CC2D2A: variants seen among roughly 807,000 people sequenced by gnomAD.
CC2D2A encodes coiled-coil and C2 domain containing 2A.
CC2D2A carries 155 observed loss-of-function variants against 212.9 expected under a neutral mutation model. The ratio of observed to expected loss-of-function variants is 0.73; its 90% CI spans 0.64 to 0.83. The LOEUF (loss-of-function observed/expected upper bound fraction) is 0.83. Ranked by LOEUF, CC2D2A falls within the 40% of genes least tolerant of loss-of-function variation. CC2D2A has a pLI of 0.00. For missense variants in CC2D2A, 1,856 were observed against 1,956.2 expected, an observed-to-expected ratio of 0.95 and a Z score of 0.97; for synonymous variants, 667 against 686.5, an observed-to-expected ratio of 0.97 and a Z score of 0.44.
At chr4:15,507,927 T>G (rs1716353843) in intron 6 of CC2D2A, among the ~76,000 whole-genome samples, 1 of 152,200 alleles carries the variant, frequency 6.6e-6, no homozygotes, top group South Asian at 2.1e-4. Context: ...TTTTCTTCTT[T>G]GGCAGGTTTG....
chr4:15,507,090 A>G (rs1577333324), intron 6 of CC2D2A, among the ~76,000 whole-genome samples: 4 of 151,968 alleles, frequency 2.6e-5, no homozygotes, highest in Admixed American at 2.6e-4. Flanking sequence ...AAAAAAAAAA[A>G]GAAAAAAAAA....
At chr4:15,591,159 T>C (rs1329943983) in intron 33 of CC2D2A, among the ~76,000 whole-genome samples, 1 of 152,108 alleles carries the variant, frequency 6.6e-6, no homozygotes, top group Non-Finnish European at 1.5e-5. Flanking sequence ...AAACATGAAA[T>C]CTATTTTTTT....
At chr4:15,575,266 A>C (rs1720351902) in intron 29 of CC2D2A, among the ~76,000 whole-genome samples, 1 of 152,214 alleles carries the variant, frequency 6.6e-6, no homozygotes, top group Admixed American at 6.5e-5. Flanking sequence ...GTCTTGGACA[A>C]GGGGTCTCCA....
At chr4:15,557,859 A>G (rs911422354) in intron 21 of CC2D2A, among the ~76,000 whole-genome samples, 1 of 152,230 alleles carries the variant, frequency 6.6e-6, no homozygotes, top group African/African-American at 2.4e-5. Context: ...TTAGTCAGGA[A>G]TTCAATTCCA....
Position 15,550,851 on chromosome 4 carries a change from C to A in CC2D2A, c.2209C>A (p.Pro737Thr), listed in dbSNP as rs1560177991. The change falls in exon 18 of 37, where the codon CCC (proline) becomes ACC (threonine). Residue 737 changes from proline (P) to threonine (T), a missense_variant. Coordinates refer to ENST00000424120, the MANE Select transcript of CC2D2A (RefSeq NM_001378615.1). ...CTATGAAACTGTCGGACACAGTAGT[C>A]CCACCTTGCTAGCAGAAGTGTTTCT... ...QVYETVGHSS[P>T]TLLAEVFLPI... 5 of 1,590,058 alleles carry A rather than the reference C, an allele frequency of 3.1e-6. No homozygotes were observed. The highest frequency in any genetic ancestry group is 4.3e-6 in the Non-Finnish European group (5 of 1,161,322).
rs1299745183 is a variant in CC2D2A, at chr4:15,502,195, TCA to T, written c.248-233_248-232del. On this transcript the variant is annotated intron_variant, in intron 4 of 36. Coordinates refer to ENST00000424120, the MANE Select transcript of CC2D2A (RefSeq NM_001378615.1). ...CTAGGCAGGACTGAGGTTTTGTCTC[TCA>T]GTTTCAGAAAAGCCAAGACATGTAC... 2.0e-5 allele frequency among the ~76,000 whole-genome samples: 3 copies of T among 152,202 alleles called. No homozygotes were observed. In the East Asian group the frequency reaches 5.8e-4, roughly 29 times the overall value.
intron 14 of CC2D2A, among the ~76,000 whole-genome samples, chr4:15,535,042 CTG>C (rs1398414751): frequency 6.6e-6 from 1 of 151,948 alleles, no homozygotes; most frequent in Non-Finnish European, 1.5e-5. Context: ...AAGTGTAAGA[CTG>C]TGTGATCTTT....
intron 13 of CC2D2A, among the ~76,000 whole-genome samples, chr4:15,532,286 C>A (rs1237791433): frequency 6.6e-6 from 1 of 152,194 alleles, no homozygotes; most frequent in Non-Finnish European, 1.5e-5. Flanking sequence ...TTTTCTACAG[C>A]TACCAGTTGA....
chr4:15,548,298 C>T (rs1038040312), intron 17 of CC2D2A, among the ~76,000 whole-genome samples: 1 of 152,072 alleles, frequency 6.6e-6, no homozygotes, highest in African/African-American at 2.4e-5. Context: ...TCTCTAGGCA[C>T]CAGCTAGGAA....
At chr4:15,597,589 T>C (rs1300034858) in intron 35 of CC2D2A, 124 bp downstream of exon 35, 3 of 775,652 alleles carry the variant, frequency 3.9e-6, no homozygotes, top group Non-Finnish European at 4.4e-6. Context: ...TTCATGTTTA[T>C]AGATTCCAAA....
rs755176887 is a variant in CC2D2A at position 15,481,236 on chromosome 4, C to T, written c.247+409C>T. 2.1e-4 allele frequency: 95 copies of T among 454,950 alleles called. No individual in the cohort carries two copies. The highest frequency in any genetic ancestry group is 6.6e-4 in the Admixed American group (28 of 42,544). 28.2% of individuals were successfully genotyped at this position (454,950 alleles called of 1,614,324 possible). A position where few individuals can be genotyped will look rare whatever the true frequency, so the allele number is the denominator to read the frequency against. Reference sequence around the variant, plus strand: ...AAAAAGAGCCTGGGCAGGCCAGGCACGGTGACTCACGTCTGTAATCCCAGC... The same window carrying T: ...AAAAAGAGCCTGGGCAGGCCAGGCATGGTGACTCACGTCTGTAATCCCAGC... On this transcript the variant is annotated intron_variant, in intron 4 of 36. Coordinates refer to ENST00000424120, the MANE Select transcript of CC2D2A (RefSeq NM_001378615.1).
intron 19 of CC2D2A, 55 bp downstream of exon 19, chr4:15,553,360 A>G: frequency 6.4e-7 from 1 of 1,562,264 alleles, no homozygotes; most frequent in Admixed American, 1.8e-5. Flanking sequence ...CATTAAAGAT[A>G]CCCAAGGGGA....
chr4:15,481,572 A>G (rs1349334520), intron 4 of CC2D2A: 1 of 175,752 alleles, frequency 5.7e-6, no homozygotes, highest in Non-Finnish European at 1.2e-5. Context: ...TCCCTCTCTC[A>G]CCATGCGACA....
chr4:15,514,992 A>C (rs149687892), intron 9 of CC2D2A, 123 bp downstream of exon 9: 2 of 821,356 alleles, frequency 2.4e-6, no homozygotes, highest in East Asian at 5.1e-5. Flanking sequence ...TCTAACAATC[A>C]AGAAATATCT....
At chr4:15,590,705 C>T (rs968306488) in intron 33 of CC2D2A, among the ~76,000 whole-genome samples, 2 of 152,094 alleles carry the variant, frequency 1.3e-5, no homozygotes, top group African/African-American at 4.8e-5. Context: ...ATGTTAAGCA[C>T]CTAACAGAGT....
At chr4:15,501,214 C>T (rs1470212266) in intron 4 of CC2D2A, among the ~76,000 whole-genome samples, 2 of 152,150 alleles carry the variant, frequency 1.3e-5, no homozygotes, top group Non-Finnish European at 1.5e-5. Context: ...CCAGAAGACA[C>T]GACTGCTGCT....
At chr4:15,576,483 TG>T (rs1720414304) in intron 29 of CC2D2A, 1 of 381,008 alleles carries the variant, frequency 2.6e-6, no homozygotes, top group Admixed American at 6.4e-5. Context: ...TAGAAACTCC[TG>T]AAACTCTTAT....
Position 15,563,365 on chromosome 4 carries a change from C to T in CC2D2A, c.3025C>T (p.Leu1009=), listed in dbSNP as rs778307943. 1 of 1,602,558 alleles carries T rather than the reference C, an allele frequency of 6.2e-7. No homozygotes were observed. Residue 1009 remains leucine, a synonymous_variant, in exon 24 of 37, where the codon CTA becomes TTA. Coordinates refer to ENST00000424120, the MANE Select transcript of CC2D2A (RefSeq NM_001378615.1). ...EEVPNISILG[L]SLFKLAEQKR... ...TTCTGTAATCATTAGCATTTTGGGC[C>T]TAAGCCTTTTCAAGCTGGCAGAACA...
At chr4:15,486,773 C>T (rs775361555) in intron 4 of CC2D2A, among the ~76,000 whole-genome samples, 11 of 151,846 alleles carry the variant, frequency 7.2e-5, no homozygotes, top group Admixed American at 1.3e-4. Context: ...ACATTTTTGA[C>T]GTAGGTATTT....
Sources: allele counts gnomAD v4.1 joint callset (sites outside exome capture counted in the v4.1 genomes callset), GRCh38; gene constraint gnomAD v4.1.1; transcripts MANE v1.5; gene names NCBI Gene and HGNC (gene_info 2026-07-23, HGNC 2026-07-21).